Variants in ADGRA3 observed in about 807,000 individuals in gnomAD.
ADGRA3 encodes adhesion G protein-coupled receptor A3, also known as G-protein coupled receptor 125.
Under a neutral mutation model 119.8 loss-of-function variants are expected in ADGRA3, and 56 were observed. The observed-to-expected ratio is 0.47, with a 90% CI of 0.38 to 0.58. ADGRA3 has a LOEUF of 0.58. Among genes scored for constraint, ADGRA3 ranks in the 20% least tolerant of loss-of-function variants. The pLI is 0.00. For synonymous variants in ADGRA3, 607 were observed against 623.8 expected (o/e 0.97, Z 0.40); for missense variants, 1,516 against 1,649.0 (o/e 0.92, Z 1.40).
intron 10 of ADGRA3, among the ~76,000 whole-genome samples, chr4:22,426,244 A>T (rs2109044976): frequency 6.6e-6 from 1 of 151,900 alleles, no homozygotes; most frequent in East Asian, 1.9e-4. Flanking sequence ...GTAAAGTCCC[A>T]CTCTCCCCAG....
intron 12 of ADGRA3, 87 bp downstream of exon 12, chr4:22,420,799 T>C (rs1288149069): frequency 4.5e-6 from 6 of 1,325,080 alleles, no homozygotes; most frequent in Non-Finnish European, 6.4e-6. Context: ...AAAAAATCTT[T>C]TAATAAGGTT....
At chr4:22,416,288 AC>A (rs1165726988) in intron 12 of ADGRA3, among the ~76,000 whole-genome samples, 1 of 152,222 alleles carries the variant, frequency 6.6e-6, no homozygotes, top group African/African-American at 2.4e-5. Context: ...GAAACAGATA[AC>A]AAACACACGA....
chr4:22,427,546 T>A (rs1487000413), intron 10 of ADGRA3, among the ~76,000 whole-genome samples: 2 of 152,156 alleles, frequency 1.3e-5, no homozygotes, highest in African/African-American at 4.8e-5. Context: ...ATTTTTCTCA[T>A]TATTTCACTC....
chr4:22,459,403 G>T (rs1717361571), intron 3 of ADGRA3, among the ~76,000 whole-genome samples: 1 of 151,818 alleles, frequency 6.6e-6, no homozygotes, highest in South Asian at 2.1e-4. Context: ...AATAATCTGT[G>T]TAACAAACCC....
intron 4 of ADGRA3, among the ~76,000 whole-genome samples, chr4:22,454,471 A>C (rs1221711421): frequency 6.6e-6 from 1 of 152,114 alleles, no homozygotes; most frequent in African/African-American, 2.4e-5. Flanking sequence ...ATGTATCATT[A>C]GTTTGGCTTC....
At chr4:22,439,849 G>A (rs1486408810) in intron 7 of ADGRA3, among the ~76,000 whole-genome samples, 2 of 151,982 alleles carry the variant, frequency 1.3e-5, no homozygotes, top group African/African-American at 4.8e-5. Flanking sequence ...CTTTGTCATG[G>A]TGCCCCACCC....
chr4:22,410,123 G>A (rs930112554), intron 14 of ADGRA3, among the ~76,000 whole-genome samples: 4 of 150,934 alleles, frequency 2.7e-5, no homozygotes, highest in Non-Finnish European at 5.9e-5. Context: ...AAATGTAAAA[G>A]AATCACTAGA....
At chr4:22,455,172 A>G (rs1241793400) in intron 3 of ADGRA3, among the ~76,000 whole-genome samples, 1 of 152,182 alleles carries the variant, frequency 6.6e-6, no homozygotes, top group African/African-American at 2.4e-5. Flanking sequence ...AGTGCCCTCT[A>G]TATTTCAAGC....
chr4:22,454,405 C>T (rs1367948533), intron 4 of ADGRA3, among the ~76,000 whole-genome samples: 1 of 152,144 alleles, frequency 6.6e-6, no homozygotes, highest in African/African-American at 2.4e-5. Context: ...GTTTATTTTC[C>T]TCCAAGGCCA....
chr4:22,435,939 A>G (rs1716374735), intron 9 of ADGRA3, among the ~76,000 whole-genome samples: 1 of 152,164 alleles, frequency 6.6e-6, no homozygotes, highest in Admixed American at 6.6e-5. Context: ...ACACGGACTT[A>G]GCACCTAACA....
intron 2 of ADGRA3, 58 bp downstream of exon 2, chr4:22,473,714 T>A (rs965934594): frequency 4.1e-6 from 4 of 973,552 alleles, no homozygotes; most frequent in Admixed American, 4.7e-5. Flanking sequence ...CAATGAAGAT[T>A]TACAATGAAA....
At chr4:22,401,964 A>T (rs541130862) in intron 15 of ADGRA3, among the ~76,000 whole-genome samples, 10 of 152,154 alleles carry the variant, frequency 6.6e-5, no homozygotes, top group African/African-American at 1.4e-4. Flanking sequence ...AGGTCTAAAC[A>T]CTCAATGCAT....
intron 2 of ADGRA3, among the ~76,000 whole-genome samples, chr4:22,467,223 T>C (rs956490567): frequency 1.3e-4 from 20 of 152,306 alleles, no homozygotes; most frequent in Admixed American, 3.9e-4. Flanking sequence ...GATTATGGCA[T>C]TGCCCTTTCA....
chr4:22,409,691 T>C (rs957051358), intron 14 of ADGRA3, among the ~76,000 whole-genome samples: 1 of 152,198 alleles, frequency 6.6e-6, no homozygotes, highest in African/African-American at 2.4e-5. Flanking sequence ...TCCTCTTCTT[T>C]AAGATACATT....
At position 22,388,583 on chromosome 4, in the gene ADGRA3, C is replaced by T. The variant is rs188925350; in HGVS notation, c.3088G>A (p.Val1030Ile). 10 of 1,613,980 alleles carry T rather than the reference C, an allele frequency of 6.2e-6. No individual in the cohort carries two copies. The highest frequency in any genetic ancestry group is 6.8e-6 in the Non-Finnish European group (8 of 1,179,988). Residue 1030 changes from valine (V) to isoleucine (I), a missense_variant, in exon 19 of 19, where the codon GTT becomes ATT. Val to Ile is a conservative substitution (Grantham distance 29). Coordinates refer to ENST00000334304, the MANE Select transcript of ADGRA3 (RefSeq NM_145290.4). ...AAGCTTAAACTTGTGGCTCCAAAAA[C>T]GAAGCTAAAAACCAAGTCCAAAGGG... is the stretch of plus-strand genomic sequence containing the variant. ...YYPLDLVFSF[V>I]FGATSLSFSA... is the part of the protein sequence containing the mutation.
rs1189602021 is a variant in ADGRA3 at position 22,413,780 on chromosome 4, G to A, written c.1844C>T (p.Pro615Leu). The change falls in exon 13 of 19, where the codon CCT becomes CTT. Residue 615 changes from proline to leucine, a missense_variant. By Grantham distance (98) the Pro-to-Leu change is moderately conservative. Transcript: ENST00000334304. ...TTTTTGCTTTGGTGAGAAAAGGGAA[G>A]GAGGAAGCTGAATAGAAGCCTCCAC... is the stretch of plus-strand genomic sequence containing the variant. Reference protein sequence around the residue: ...TIVEASIQLPPSLFSPKQKRE... With the variant: ...TIVEASIQLPLSLFSPKQKRE... 6.2e-7 allele frequency: 1 copy of A among 1,613,458 alleles called. No homozygotes were observed. Among genetic ancestry groups the A allele is most frequent in the Non-Finnish European group, 8.5e-7 (1 of 1,179,772 alleles).
chr4:22,415,185 A>G (rs936293550), intron 12 of ADGRA3, among the ~76,000 whole-genome samples: 1 of 152,094 alleles, frequency 6.6e-6, no homozygotes. Context: ...AATAGTTCCT[A>G]CCACTTGCAT....
chr4:22,393,465 G>C (rs1714220112), intron 16 of ADGRA3: 1 of 152,148 alleles, frequency 6.6e-6, no homozygotes, highest in Admixed American at 6.5e-5. Flanking sequence ...TTTATACACT[G>C]TAACAATCAC....
intron 14 of ADGRA3, 92 bp downstream of exon 14, chr4:22,413,090 A>C (rs1204494184): frequency 1.0e-5 from 10 of 982,358 alleles, no homozygotes; most frequent in African/African-American, 5.1e-5. Flanking sequence ...AAAAAAAAAA[A>C]ACAAAAAACA....
Sources: allele counts gnomAD v4.1 joint callset (sites outside exome capture counted in the v4.1 genomes callset), GRCh38; gene constraint gnomAD v4.1.1; transcripts MANE v1.5; gene names NCBI Gene and HGNC (gene_info 2026-07-23, HGNC 2026-07-21).